The following LGR5 variants were observed in gnomAD, a reference collection of about 807,000 sequenced individuals.
The protein encoded by LGR5 is leucine-rich repeat-containing G protein-coupled receptor 5.
A neutral mutation model predicts 76.7 loss-of-function variants in LGR5; 54 were observed. That is an observed-to-expected ratio of 0.70 (90% CI 0.57 to 0.88). The LOEUF is 0.88. Among genes scored for constraint, LGR5 ranks in the 40% least tolerant of loss-of-function variants. The pLI is 0.00. For missense variants in LGR5, 1,078 were observed against 1,073.3 expected (o/e 1.00, Z -0.06); for synonymous variants, 406 against 421.9 (o/e 0.96, Z 0.46).
intron 1 of LGR5, among the ~76,000 whole-genome samples, chr12:71,496,309 T>G (rs1874314127): frequency 7.0e-6 from 1 of 142,594 alleles, no homozygotes; most frequent in Admixed American, 7.4e-5. Flanking sequence ...AGGTGGAGGT[T>G]GCAGTGAGCT....
intron 4 of LGR5, among the ~76,000 whole-genome samples, chr12:71,548,619 C>T (rs1877317137): frequency 1.3e-5 from 2 of 152,070 alleles, no homozygotes; most frequent in South Asian, 2.1e-4. Context: ...CATTAAGGTA[C>T]TTTAGATTTA....
At chr12:71,542,553 G>A (rs1280109759) in intron 4 of LGR5, among the ~76,000 whole-genome samples, 1 of 152,212 alleles carries the variant, frequency 6.6e-6, no homozygotes, top group African/African-American at 2.4e-5. Context: ...AACTTCATCA[G>A]GTTAGGGACG....
rs778037024 is a variant in LGR5, at chr12:71,566,469, G to A, written c.923G>A (p.Arg308Lys). 5 of 1,600,564 alleles carry A rather than the reference G, an allele frequency of 3.1e-6. No homozygotes were observed. The East Asian group carries it at 1.1e-4, about 36-fold the overall frequency. Residue 308 changes from arginine (R) to lysine (K), a missense_variant, in exon 9 of 18, where the codon AGA becomes AAA. Physicochemically the swap from Arg to Lys is conservative, Grantham distance 26. Transcript: ENST00000266674. ...RSAFQHLPELRTLTLNGASQI... is the reference protein window; with the variant it reads ...RSAFQHLPELKTLTLNGASQI... ...GCTTTTCAACATTTACCTGAACTAA[G>A]AACACTGTAAGTTTCTATGTCTCTT...
intron 1 of LGR5, among the ~76,000 whole-genome samples, chr12:71,447,542 C>T (rs969921795): frequency 6.6e-6 from 1 of 152,176 alleles, no homozygotes; most frequent in Non-Finnish European, 1.5e-5. Flanking sequence ...CTCTAATTTT[C>T]AAATGTCCTA....
chr12:71,490,923 C>T (rs1874040186), intron 1 of LGR5, among the ~76,000 whole-genome samples: 1 of 152,182 alleles, frequency 6.6e-6, no homozygotes, highest in Non-Finnish European at 1.5e-5. Flanking sequence ...ACCCAAATCT[C>T]ATCTTGAATT....
chr12:71,583,554 C>A, intron 17 of LGR5, 93 bp from the exon 18 acceptor site: 1 of 1,420,252 alleles, frequency 7.0e-7, no homozygotes, highest in Admixed American at 2.1e-5. Flanking sequence ...ACCATTATCT[C>A]TTGGCATCCT....
At chr12:71,510,200 G>A (rs1035370737) in intron 2 of LGR5, among the ~76,000 whole-genome samples, 6 of 152,090 alleles carry the variant, frequency 3.9e-5, no homozygotes, top group Non-Finnish European at 7.4e-5. Context: ...CACAGTGATC[G>A]TCTCCTGTCT....
At chr12:71,514,862 G>C (rs1875360253) in intron 2 of LGR5, among the ~76,000 whole-genome samples, 1 of 152,118 alleles carries the variant, frequency 6.6e-6, no homozygotes, top group Non-Finnish European at 1.5e-5. Context: ...AATGGAAGGG[G>C]GTAGATACAG....
intron 13 of LGR5, among the ~76,000 whole-genome samples, chr12:71,574,301 C>CAAAA (rs1726461): frequency 0.083 from 4,085 of 49,014 alleles, 727 homozygotes; most frequent in Non-Finnish European, 0.1. Context: ...GACTCTGTCT[C>CAAAA]AAAAAAAAAA....
intron 1 of LGR5, among the ~76,000 whole-genome samples, chr12:71,462,559 G>A (rs1020147260): frequency 6.6e-6 from 1 of 151,998 alleles, no homozygotes; most frequent in African/African-American, 2.4e-5. Context: ...AGTCCTTCCT[G>A]CAAGCTCTTC....
At chr12:71,515,176 G>A (rs7315282) in intron 2 of LGR5, among the ~76,000 whole-genome samples, 2,435 of 152,238 alleles carry the variant, frequency 0.016, 49 homozygotes, top group Middle Eastern at 0.065. Context: ...TCTAATTCTT[G>A]ATATGACTCA....
intron 1 of LGR5, among the ~76,000 whole-genome samples, chr12:71,480,808 T>C (rs1405814428): frequency 6.6e-6 from 1 of 152,290 alleles, no homozygotes; most frequent in Non-Finnish European, 1.5e-5. Flanking sequence ...CGTTATCTCA[T>C]TTAATCCTCA....
intron 1 of LGR5, among the ~76,000 whole-genome samples, chr12:71,491,756 G>C (rs1245536365): frequency 6.7e-6 from 1 of 148,676 alleles, no homozygotes. Flanking sequence ...CTTATCAAGT[G>C]AAATGCTAAA....
At chr12:71,500,302 A>G (rs1260758585) in intron 1 of LGR5, among the ~76,000 whole-genome samples, 1 of 152,044 alleles carries the variant, frequency 6.6e-6, no homozygotes, top group Non-Finnish European at 1.5e-5. Flanking sequence ...GAGGTCAGAT[A>G]ACTGGCCTAG....
intron 5 of LGR5, among the ~76,000 whole-genome samples, chr12:71,555,521 G>C (rs1388952559): frequency 6.6e-6 from 1 of 152,170 alleles, no homozygotes; most frequent in East Asian, 1.9e-4. Flanking sequence ...AGAAAAATCT[G>C]ATTACCATTG....
At chr12:71,484,858 T>G (rs1164468983) in intron 1 of LGR5, among the ~76,000 whole-genome samples, 1 of 152,192 alleles carries the variant, frequency 6.6e-6, no homozygotes, top group African/African-American at 2.4e-5. Context: ...ATTAGAATGA[T>G]AATGTAAAAA....
intron 3 of LGR5, among the ~76,000 whole-genome samples, chr12:71,528,207 T>C (rs1278817497): frequency 1.3e-5 from 2 of 152,110 alleles, no homozygotes; most frequent in Non-Finnish European, 2.9e-5. Flanking sequence ...TGTATAATCC[T>C]AGCACTTTGG....
At chr12:71,528,958 A>C (rs764687333) in intron 3 of LGR5, among the ~76,000 whole-genome samples, 5 of 152,198 alleles carry the variant, frequency 3.3e-5, no homozygotes, top group Non-Finnish European at 7.3e-5. Context: ...ATTCTCTGTG[A>C]TATTTCCACA....
chr12:71,485,530 A>G (rs1873787102), intron 1 of LGR5, among the ~76,000 whole-genome samples: 1 of 152,216 alleles, frequency 6.6e-6, no homozygotes, highest in South Asian at 2.1e-4. Context: ...TAGACTGGGC[A>G]ACATATTGAG....
Sources: gnomAD v4.1 joint callset for allele counts (sites outside exome capture counted in the v4.1 genomes callset) on GRCh38, gnomAD v4.1.1 for gene constraint, MANE v1.5 for transcripts, NCBI Gene and HGNC (gene_info 2026-07-23, HGNC 2026-07-21) for gene names.